Variants in MYO5B observed in about 807,000 individuals in gnomAD.
MYO5B encodes the protein myosin VB, also known as unconventional myosin-Vb.
A neutral mutation model predicts 229.3 loss-of-function variants in MYO5B; 143 were observed. That is an observed-to-expected ratio of 0.62 (90% CI 0.54 to 0.72). The LOEUF (loss-of-function observed/expected upper bound fraction) is 0.72, where lower values mean the gene tolerates loss of function less well. MYO5B is among the 30% of genes least tolerant of loss of function. The probability of loss-of-function intolerance (pLI) is 0.00; values close to 1 mark genes in which losing one functional copy is unlikely to be tolerated. For missense variants in MYO5B, 2,321 were observed against 2,331.0 expected, an observed-to-expected ratio of 1.00 and a Z score of 0.09; for synonymous variants, 918 against 885.2, an observed-to-expected ratio of 1.04 and a Z score of -0.66.
At chr18:50,038,349 G>A (rs932826912) in intron 3 of MYO5B, among the ~76,000 whole-genome samples, 5 of 152,254 alleles carry the variant, frequency 3.3e-5, no homozygotes, top group Non-Finnish European at 5.9e-5. Flanking sequence ...CTGGGAACGC[G>A]AAGTGTAATA....
At chr18:50,067,608 T>TTCTC (rs2030853924) in intron 1 of MYO5B, among the ~76,000 whole-genome samples, 1 of 152,118 alleles carries the variant, frequency 6.6e-6, no homozygotes, top group Non-Finnish European at 1.5e-5. Flanking sequence ...AGGCAGTGAG[T>TTCTC]TCTCACTCTT....
At chr18:49,949,777 C>T (rs949159206) in intron 14 of MYO5B, among the ~76,000 whole-genome samples, 1 of 152,158 alleles carries the variant, frequency 6.6e-6, no homozygotes, top group Non-Finnish European at 1.5e-5. Flanking sequence ...TTAAGCGTTA[C>T]AATTTTAATG....
intron 4 of MYO5B, among the ~76,000 whole-genome samples, chr18:50,036,240 T>C (rs367906593): frequency 2.7e-4 from 41 of 152,334 alleles, no homozygotes; most frequent in African/African-American, 9.4e-4. Flanking sequence ...TTACAGCCCA[T>C]CACCCAACCC....
chr18:49,851,405 C>G (rs545958486), intron 31 of MYO5B, among the ~76,000 whole-genome samples: 177 of 152,290 alleles, frequency 1.2e-3, no homozygotes, highest in African/African-American at 4.1e-3. Flanking sequence ...CTATGCTTCC[C>G]AAACTTTGTA....
chr18:50,145,630 T>C (rs2032490180), intron 1 of MYO5B, among the ~76,000 whole-genome samples: 1 of 151,436 alleles, frequency 6.6e-6, no homozygotes, highest in Admixed American at 6.6e-5. Context: ...TCATAAGAAG[T>C]ATATTTTTCC....
At chr18:50,009,149 AGGT>A (rs2026135123) in intron 4 of MYO5B, among the ~76,000 whole-genome samples, 1 of 152,138 alleles carries the variant, frequency 6.6e-6, no homozygotes. Flanking sequence ...AGGCTGAGGC[AGGT>A]GGATCACTTG....
chr18:50,173,408 A>T (rs2032947321), intron 1 of MYO5B, among the ~76,000 whole-genome samples: 1 of 152,184 alleles, frequency 6.6e-6, no homozygotes, highest in Non-Finnish European at 1.5e-5. Flanking sequence ...TTTGGATTTT[A>T]TTCCAAAAGC....
intron 26 of MYO5B, among the ~76,000 whole-genome samples, chr18:49,873,084 C>T (rs755973561): frequency 3.3e-5 from 5 of 152,222 alleles, no homozygotes; most frequent in African/African-American, 1.2e-4. Flanking sequence ...TGGCCCACAA[C>T]ACTCTGTAAT....
intron 1 of MYO5B, among the ~76,000 whole-genome samples, chr18:50,188,813 A>AAAAAAAC (rs2033188531): frequency 1.3e-5 from 1 of 75,196 alleles, no homozygotes; most frequent in Non-Finnish European, 3.3e-5. Context: ...AAAAAAAAAA[A>AAAAAAAC]AAAACACACA....
intron 1 of MYO5B, among the ~76,000 whole-genome samples, chr18:50,158,844 T>C (rs17740343): frequency 0.082 from 12,444 of 152,206 alleles, 576 homozygotes; most frequent in East Asian, 0.19. Flanking sequence ...TGGAAAGCTG[T>C]TGAGCATCTG....
chr18:50,059,545 A>C (rs1265942186), intron 1 of MYO5B, among the ~76,000 whole-genome samples: 1 of 152,228 alleles, frequency 6.6e-6, no homozygotes, highest in African/African-American at 2.4e-5. Flanking sequence ...CTTTAGATGC[A>C]AATCTAGTAA....
chr18:50,047,654 G>A (rs369244861), intron 2 of MYO5B, among the ~76,000 whole-genome samples: 96 of 152,014 alleles, frequency 6.3e-4, no homozygotes, highest in African/African-American at 1.2e-3. Flanking sequence ...TGTTTATTGC[G>A]GCACTATTCA....
At chr18:50,154,062 G>A (rs2032641674) in intron 1 of MYO5B, among the ~76,000 whole-genome samples, 1 of 152,088 alleles carries the variant, frequency 6.6e-6, no homozygotes, top group African/African-American at 2.4e-5. Context: ...CTTGGCCAAG[G>A]CTCCACAATT....
At chr18:50,060,586 G>C (rs757734277) in intron 1 of MYO5B, among the ~76,000 whole-genome samples, 1 of 152,208 alleles carries the variant, frequency 6.6e-6, no homozygotes, top group African/African-American at 2.4e-5. Context: ...GTGATTTTTG[G>C]AAAGTTCTTT....
intron 31 of MYO5B, among the ~76,000 whole-genome samples, chr18:49,851,829 A>G (rs1308154898): frequency 6.6e-6 from 1 of 152,174 alleles, no homozygotes; most frequent in Non-Finnish European, 1.5e-5. Context: ...CAGCTGGCAC[A>G]CGGTAGGCAG....
At chr18:50,188,197 A>T (rs1418058236) in intron 1 of MYO5B, among the ~76,000 whole-genome samples, 1 of 152,150 alleles carries the variant, frequency 6.6e-6, no homozygotes, top group African/African-American at 2.4e-5. Context: ...CCTATGCTTA[A>T]ACTCACTCTC....
At chr18:49,993,891 A>G (rs1341779158) in intron 5 of MYO5B, among the ~76,000 whole-genome samples, 1 of 152,056 alleles carries the variant, frequency 6.6e-6, no homozygotes, top group East Asian at 1.9e-4. Context: ...CAACTTTCAA[A>G]TCCTTAGCAT....
In MYO5B at chr18:49,884,690, C is replaced by T. The variant is rs150653935; in HGVS notation, c.3046-4235G>A. On this transcript the variant is annotated intron_variant, in intron 22 of 39. Transcript: ENST00000285039. ...TGCCCACCACTCACCTCCTGCTGTGCGGCCTGGTTCCTGGACCACTACTGG... is the reference window on the plus strand; with the variant it reads ...TGCCCACCACTCACCTCCTGCTGTGTGGCCTGGTTCCTGGACCACTACTGG... Among the ~76,000 whole-genome samples the T allele has an allele frequency of 5.9e-5, 9 of 152,226 alleles. No individual in the cohort carries two copies. In the East Asian group the frequency reaches 7.7e-4, roughly 13 times the overall value.
rs201573839 is a variant in MYO5B at position 49,827,097 on chromosome 18, G to C, written c.5395-474C>G. Among the ~76,000 whole-genome samples, 13 of 152,296 alleles carry C rather than the reference G, an allele frequency of 8.5e-5. No homozygotes were observed. In the East Asian group the frequency reaches 1.7e-3, roughly 20 times the overall value. ...GGCAGAGTAGGAAGCCCTAGGGATT[G>C]GTCCCTCCACTGAAGCTACCTTGAA... On this transcript the variant is annotated intron_variant, in intron 39 of 39. Coordinates refer to ENST00000285039, the MANE Select transcript of MYO5B (RefSeq NM_001080467.3).
Sources: allele counts gnomAD v4.1 joint callset (sites outside exome capture counted in the v4.1 genomes callset), GRCh38; gene constraint gnomAD v4.1.1; transcripts MANE v1.5; gene names NCBI Gene and HGNC (gene_info 2026-07-23, HGNC 2026-07-21).